ARHGAP26: variants seen among roughly 807,000 people sequenced by gnomAD.
ARHGAP26 encodes the protein Rho GTPase activating protein 26.
In ARHGAP26, 38 loss-of-function variants were observed where a neutral mutation model predicts 104.8. That is an observed-to-expected ratio of 0.36 (90% confidence interval 0.28 to 0.48). The LOEUF is 0.48. Among genes scored for constraint, ARHGAP26 ranks in the 20% least tolerant of loss-of-function variants. The pLI is 0.99. For missense variants in ARHGAP26, 704 were observed against 947.9 expected (o/e 0.74, Z 3.38); for synonymous variants, 341 against 340.0 (o/e 1.00, Z -0.03).
At chr5:143,083,233 C>T (rs1283492960) in intron 17 of ARHGAP26, among the ~76,000 whole-genome samples, 1 of 152,202 alleles carries the variant, frequency 6.6e-6, no homozygotes, top group Non-Finnish European at 1.5e-5. Flanking sequence ...AACTGGTTTA[C>T]CATGCAGATA....
At position 143,147,943 on chromosome 5, in the gene ARHGAP26, T is replaced by C. The variant is rs76916215; in HGVS notation, c.1988+562T>C. The stretch of plus-strand genomic sequence containing the variant: ...TTTATTTTTCAGCATTGAGCACCCA[T>C]AGTCAGGACAATTAGTTTGGGGGCT... On this transcript the variant is annotated intron_variant, in intron 20 of 22. Coordinates refer to ENST00000645722, the MANE Select transcript of ARHGAP26 (RefSeq NM_001135608.3). Among the ~76,000 whole-genome samples the C allele has an allele frequency of 1.7e-3, 266 of 152,314 alleles. 2 individuals carry two copies. The highest frequency in any genetic ancestry group is 6.0e-3 in the African/African-American group (248 of 41,570).
intron 1 of ARHGAP26, among the ~76,000 whole-genome samples, chr5:142,807,426 T>C (rs1352441228): frequency 6.6e-6 from 1 of 152,200 alleles, no homozygotes; most frequent in Non-Finnish European, 1.5e-5. Flanking sequence ...CCAGATTGTA[T>C]TCCCAGAGGC....
chr5:142,774,803 T>C (rs1488143512), intron 1 of ARHGAP26, among the ~76,000 whole-genome samples: 1 of 152,198 alleles, frequency 6.6e-6, no homozygotes, highest in Admixed American at 6.5e-5. Context: ...TTTTACCTTT[T>C]CCAGAATGTC....
chr5:143,073,332 T>A (rs1406431072), intron 17 of ARHGAP26, among the ~76,000 whole-genome samples: 2 of 152,214 alleles, frequency 1.3e-5, no homozygotes, highest in Admixed American at 6.5e-5. Context: ...TCTTTGGGAT[T>A]TGACAGCTTG....
chr5:142,973,532 A>C (rs37199), intron 11 of ARHGAP26, among the ~76,000 whole-genome samples: 21,739 of 152,156 alleles, frequency 0.14, 2,075 homozygotes, highest in East Asian at 0.28. Flanking sequence ...TCCATTTTTA[A>C]ACTTTTCTGT....
intron 17 of ARHGAP26, among the ~76,000 whole-genome samples, chr5:143,062,851 C>T (rs1786930114): frequency 6.6e-6 from 1 of 152,188 alleles, no homozygotes; most frequent in South Asian, 2.1e-4. Context: ...ATTTAACTTA[C>T]CAATGAGCTG....
rs950180561 is a variant in ARHGAP26 at position 143,127,892 on chromosome 5, A to G, written c.1699-6075A>G. ...AAAAGGTATGACTGGATGCTTCACT[A>G]TGTTGAAATAGTCATTGGTACTCTT... On this transcript the variant is annotated intron_variant, in intron 18 of 22. Coordinates refer to ENST00000645722, the MANE Select transcript of ARHGAP26 (RefSeq NM_001135608.3). Among the ~76,000 whole-genome samples the G allele has an allele frequency of 7.9e-5, 12 of 152,236 alleles. 2 individuals carry two copies. The highest frequency in any genetic ancestry group is 6.5e-4 in the Admixed American group (10 of 15,284).
rs560205609 is a variant in ARHGAP26, at chr5:143,118,951, A to T, written c.1539-2037A>T. On this transcript the variant is annotated intron_variant, in intron 17 of 22. Transcript: ENST00000645722. ...ACTTAAAAGTATAATAATAAAAAAA[A>T]AAAAAGAAAGAAGAAAGAAAAACAG... is the stretch of plus-strand genomic sequence containing the variant. Among the ~76,000 whole-genome samples the T allele has an allele frequency of 7.2e-4, 110 of 152,128 alleles. 1 individual carries two copies. The highest frequency in any genetic ancestry group is 2.5e-3 in the African/African-American group (103 of 41,490).
At chr5:143,072,674 T>C (rs1788445288) in intron 17 of ARHGAP26, among the ~76,000 whole-genome samples, 2 of 151,986 alleles carry the variant, frequency 1.3e-5, no homozygotes, top group South Asian at 4.2e-4. Context: ...TTCTCACTCA[T>C]GTGGAAACTA....
At chr5:143,211,646 G>A (rs1003534413) in intron 21 of ARHGAP26, among the ~76,000 whole-genome samples, 2 of 151,168 alleles carry the variant, frequency 1.3e-5, no homozygotes, top group African/African-American at 2.4e-5. Context: ...AGCTCACTGC[G>A]GCTCCCACCT....
At chr5:143,055,597 A>G (rs1378415049) in intron 15 of ARHGAP26, among the ~76,000 whole-genome samples, 1 of 152,316 alleles carries the variant, frequency 6.6e-6, no homozygotes, top group Admixed American at 6.5e-5. Context: ...ATTCACCACC[A>G]CAACACCTAC....
intron 11 of ARHGAP26, among the ~76,000 whole-genome samples, chr5:142,988,003 C>T (rs891684523): frequency 1.3e-5 from 2 of 152,158 alleles, no homozygotes; most frequent in African/African-American, 4.8e-5. Flanking sequence ...ATGATGCTGG[C>T]CTCATAAAAT....
At chr5:142,924,780 A>C (rs1172485668) in intron 10 of ARHGAP26, among the ~76,000 whole-genome samples, 2 of 152,234 alleles carry the variant, frequency 1.3e-5, no homozygotes, top group Non-Finnish European at 2.9e-5. Context: ...GTAGATTACC[A>C]TTGCCTTCCA....
intron 17 of ARHGAP26, among the ~76,000 whole-genome samples, chr5:143,098,541 ATTATT>A (rs1431872294): frequency 2.6e-5 from 4 of 152,294 alleles, no homozygotes; most frequent in South Asian, 4.1e-4. Flanking sequence ...CATTAGCTGA[ATTATT>A]TTATCTAGAA....
At chr5:143,176,920 T>G (rs1323872273) in intron 20 of ARHGAP26, among the ~76,000 whole-genome samples, 1 of 152,218 alleles carries the variant, frequency 6.6e-6, no homozygotes, top group Non-Finnish European at 1.5e-5. Flanking sequence ...CAAGGAGCCA[T>G]GTAAAGTATA....
intron 1 of ARHGAP26, chr5:142,771,363 C>T (rs1038605167): frequency 1.6e-6 from 2 of 1,231,986 alleles, no homozygotes; most frequent in African/African-American, 1.6e-5. Flanking sequence ...GCGCTGCCTC[C>T]CCTTGGGAAA....
At chr5:143,065,673 G>A (rs1430207901) in intron 17 of ARHGAP26, among the ~76,000 whole-genome samples, 1 of 152,240 alleles carries the variant, frequency 6.6e-6, no homozygotes, top group African/African-American at 2.4e-5. Context: ...AGCCACCACT[G>A]AGATGACCAC....
intron 1 of ARHGAP26, among the ~76,000 whole-genome samples, chr5:142,848,742 G>A (rs1750933356): frequency 1.3e-5 from 2 of 152,158 alleles, no homozygotes; most frequent in Non-Finnish European, 2.9e-5. Flanking sequence ...TTATATGTTA[G>A]GTTTTCCTGT....
intron 1 of ARHGAP26, chr5:142,869,025 A>T (rs1360219062): frequency 6.5e-6 from 1 of 154,182 alleles, no homozygotes; most frequent in African/African-American, 2.4e-5. Flanking sequence ...TCCAAATACA[A>T]GGTGATGAGG....
Sources: allele counts gnomAD v4.1 joint callset (sites outside exome capture counted in the v4.1 genomes callset), GRCh38; gene constraint gnomAD v4.1.1; transcripts MANE v1.5; gene names NCBI Gene and HGNC (gene_info 2026-07-23, HGNC 2026-07-21).